TEX9: variants seen among roughly 807,000 people sequenced by gnomAD.
TEX9 encodes the protein testis expressed 9, also known as testis-expressed protein 9.
Under a neutral mutation model 59.6 loss-of-function variants are expected in TEX9, and 74 were observed. The observed-to-expected ratio is 1.24, with a 90% confidence interval of 1.03 to 1.51. TEX9 has a LOEUF of 1.51. Ranked by LOEUF, TEX9 falls within the 40% of genes most tolerant of loss-of-function variation. The pLI, the probability that TEX9 is intolerant of heterozygous loss-of-function variation, is 0.00. For missense variants in TEX9, 522 were observed against 447.8 expected, an observed-to-expected ratio of 1.17 and a Z score of -1.49; for synonymous variants, 186 against 152.2, an observed-to-expected ratio of 1.22 and a Z score of -1.64.
intron 3 of TEX9, among the ~76,000 whole-genome samples, chr15:56,376,232 TAAAAA>T (rs1161142648): frequency 4.0e-5 from 6 of 151,880 alleles, no homozygotes; most frequent in Admixed American, 6.6e-5. Flanking sequence ...AATAATAAAA[TAAAAA>T]AAAGATATAT....
chr15:56,456,244 T>G, the TEX9 span: 1 of 651,776 alleles, frequency 1.5e-6, no homozygotes, highest in South Asian at 3.9e-5. Flanking sequence ...AAATAAATAT[T>G]TATAGAACTT....
chr15:56,394,418 G>C, intron 8 of TEX9, 171 bp downstream of exon 8: 2 of 645,026 alleles, frequency 3.1e-6, no homozygotes, highest in Admixed American at 3.5e-5. Flanking sequence ...TTTTCACAGA[G>C]CTGAAATATC....
At chr15:56,337,534 A>G (rs568784367) in intron 1 of TEX9, among the ~76,000 whole-genome samples, 1 of 152,306 alleles carries the variant, frequency 6.6e-6, no homozygotes, top group South Asian at 2.1e-4. Flanking sequence ...GTTAAATATT[A>G]GCCTTTTTCA....
At chr15:56,446,910 T>C (rs570420530), downstream of TEX9, 2 of 1,609,706 alleles carry the variant, frequency 1.2e-6, no homozygotes, top group Non-Finnish European at 1.7e-6. Flanking sequence ...TGTAAGCTGC[T>C]TTTAATTTCT....
At chr15:56,349,575 A>G (rs2046536504) in intron 1 of TEX9, among the ~76,000 whole-genome samples, 1 of 152,050 alleles carries the variant, frequency 6.6e-6, no homozygotes, top group Admixed American at 6.6e-5. Flanking sequence ...TAAAGCTATT[A>G]AAATAGGAAA....
chr15:56,345,996 G>A (rs1178652132), intron 1 of TEX9, among the ~76,000 whole-genome samples: 1 of 152,210 alleles, frequency 6.6e-6, no homozygotes, highest in Non-Finnish European at 1.5e-5. Flanking sequence ...GTTAAGCTGA[G>A]TGGAGTGCCT....
At position 56,366,480 on chromosome 15, in the gene TEX9, C is replaced by G. The variant is rs886359420; in HGVS notation, c.119+810C>G. On this transcript the variant is annotated intron_variant, in intron 2 of 12. Transcript: ENST00000352903. ...TCAACCTGTAATGTGAGTGGCCTTC[C>G]TTGACCATGCTAAGTAGGCTCCCTT... is the stretch of plus-strand genomic sequence containing the variant. 2.0e-5 allele frequency among the ~76,000 whole-genome samples: 3 copies of G among 152,102 alleles called. 1 individual carries two copies. Among genetic ancestry groups the G allele is most frequent in the Non-Finnish European group, 2.9e-5 (2 of 67,984 alleles).
chr15:56,330,003 A>T (rs541417042), intron 1 of TEX9, among the ~76,000 whole-genome samples: 1 of 152,176 alleles, frequency 6.6e-6, no homozygotes, highest in East Asian at 1.9e-4. Flanking sequence ...AAGGATAAAG[A>T]AAGGATCCTA....
Position 56,411,094 on chromosome 15 carries a change from T to G in TEX9, c.829-1208T>G, listed in dbSNP as rs2049322290. On this transcript the variant is annotated intron_variant, in intron 9 of 12. Coordinates refer to ENST00000352903, the Ensembl canonical transcript of TEX9. ...ATAAAAGAATATAGACAACTGTATT[T>G]TTAACTTCATCATTTCAACTCTATA... Among the ~76,000 whole-genome samples the G allele has an allele frequency of 2.0e-5, 3 of 152,348 alleles. No homozygotes were observed. In the South Asian group the frequency reaches 6.2e-4, roughly 32 times the overall value.
At chr15:56,326,514 A>G (rs2046022876) in intron 1 of TEX9, among the ~76,000 whole-genome samples, 1 of 152,204 alleles carries the variant, frequency 6.6e-6, no homozygotes, top group South Asian at 2.1e-4. Flanking sequence ...AATATTTAGA[A>G]ATTACAGGTA....
chr15:56,325,663 G>A (rs1052798087), intron 1 of TEX9, among the ~76,000 whole-genome samples: 36 of 152,140 alleles, frequency 2.4e-4, no homozygotes, highest in African/African-American at 8.2e-4. Context: ...TTTTAAGGAT[G>A]CATAATTAAT....
At chr15:56,437,212 C>T (rs909294407) in intron 12 of TEX9, among the ~76,000 whole-genome samples, 25 of 152,236 alleles carry the variant, frequency 1.6e-4, no homozygotes, top group Non-Finnish European at 2.6e-4. Context: ...TGCAAAACTC[C>T]GCAATAAAAT....
At chr15:56,331,700 A>G (rs1188953491) in intron 1 of TEX9, among the ~76,000 whole-genome samples, 1 of 152,166 alleles carries the variant, frequency 6.6e-6, no homozygotes, top group Non-Finnish European at 1.5e-5. Flanking sequence ...CATAAAAAAA[A>G]ATTTTTAAAT....
Position 56,285,257 on chromosome 15 carries a change from T to C in TEX9, c.-107+40979T>C, listed in dbSNP as rs139132230. On this transcript the variant is annotated intron_variant, in intron 1 of 5. Transcript: ENST00000560827. ...CCCTCACTCTCAAAAATATTTTCTG[T>C]TGGTACATAGAATTCCGGTTGGCAA... Among the ~76,000 whole-genome samples, 82 of 152,250 alleles carry C rather than the reference T, an allele frequency of 5.4e-4. 1 individual carries two copies. Among genetic ancestry groups the C allele is most frequent in the South Asian group, 1.9e-3 (9 of 4,818 alleles).
intron 1 of TEX9, among the ~76,000 whole-genome samples, chr15:56,343,459 A>G (rs1015795383): frequency 3.3e-5 from 5 of 152,134 alleles, no homozygotes; most frequent in Admixed American, 2.0e-4. Context: ...AAAAGTTGGT[A>G]TTTTGGAAAA....
chr15:56,457,485 A>G, the TEX9 span, among the ~76,000 whole-genome samples: 2 of 152,246 alleles, frequency 1.3e-5, no homozygotes, highest in East Asian at 3.8e-4. Context: ...TGGGAATGTA[A>G]AATGGTACAG....
chr15:56,342,086 A>G (rs1441884992), intron 1 of TEX9, among the ~76,000 whole-genome samples: 1 of 152,098 alleles, frequency 6.6e-6, no homozygotes, highest in Non-Finnish European at 1.5e-5. Context: ...CTGGAATTTG[A>G]AAGTTCAGAC....
intron 12 of TEX9, among the ~76,000 whole-genome samples, chr15:56,436,688 A>G (rs146036670): frequency 0.029 from 4,486 of 152,254 alleles, 249 homozygotes; most frequent in African/African-American, 0.1. Context: ...TGAGAAGATC[A>G]ACAAAATTGA....
intron 12 of TEX9, chr15:56,431,349 C>T: frequency 6.2e-7 from 1 of 1,606,758 alleles, no homozygotes; most frequent in African/African-American, 1.3e-5. Context: ...ATGAAGATTA[C>T]AACTTGAGAT....
Sources: allele counts gnomAD v4.1 joint callset (sites outside exome capture counted in the v4.1 genomes callset), GRCh38; gene constraint gnomAD v4.1.1; transcripts MANE v1.5; gene names NCBI Gene and HGNC (gene_info 2026-07-23, HGNC 2026-07-21).